TMEM156: variants seen among roughly 807,000 people sequenced by gnomAD.
The protein encoded by TMEM156 is transmembrane protein 156.
In TMEM156, 28 loss-of-function variants were observed where a neutral mutation model predicts 30.5. The observed-to-expected ratio is 0.92, with a 90% confidence interval of 0.68 to 1.26. The LOEUF (loss-of-function observed/expected upper bound fraction) is 1.26, where lower values mean the gene tolerates loss of function less well. Among genes scored for constraint, TMEM156 ranks in the 50% most tolerant of loss-of-function variants. The pLI is 0.00. For missense variants in TMEM156, 351 were observed against 340.6 expected (o/e 1.03, Z -0.24); for synonymous variants, 137 against 119.9 (o/e 1.14, Z -0.93).
At chr4:38,971,263 C>G (rs1003170140) in intron 5 of TMEM156, 126 bp from the exon 6 acceptor site, 37 of 778,714 alleles carry the variant, frequency 4.8e-5, no homozygotes, top group African/African-American at 4.2e-4. Flanking sequence ...TTGGGACTTT[C>G]TACCCTCACT....
chr4:39,017,171 C>CTTTTTT (rs1159565890), intron 1 of TMEM156, among the ~76,000 whole-genome samples: 2,400 of 91,232 alleles, frequency 0.026, 68 homozygotes, highest in African/African-American at 0.035. Flanking sequence ...TGTATTTCTT[C>CTTTTTT]TTTTTTTTTT....
intron 1 of TMEM156, among the ~76,000 whole-genome samples, chr4:39,005,488 C>T (rs1003430978): frequency 6.6e-6 from 1 of 152,176 alleles, no homozygotes; most frequent in African/African-American, 2.4e-5. Context: ...GAGGCCTCCC[C>T]AGCCATGCAG....
intron 1 of TMEM156, chr4:39,028,417 T>A (rs1004918460): frequency 6.6e-6 from 1 of 152,238 alleles, no homozygotes; most frequent in Non-Finnish European, 1.5e-5. Context: ...CAAATGGAAA[T>A]ACAAGGAACG....
intron 5 of TMEM156, among the ~76,000 whole-genome samples, chr4:38,978,197 C>T (rs897559446): frequency 3.3e-5 from 5 of 152,006 alleles, no homozygotes; most frequent in Non-Finnish European, 7.4e-5. Flanking sequence ...TTTTTATTCT[C>T]TTATCTCCAA....
rs71304784 is a variant in TMEM156, at chr4:38,990,830, G to GTTTTTT, written c.620-1866_620-1861dup. On this transcript the variant is annotated intron_variant, in intron 3 of 6. Transcript: ENST00000381938. Reference sequence around the variant, plus strand: ...CTTTGTTTTTTTGGTTTGTTTTCTGGTTTTTTTTTTTTTTTTTTTTTTTGA... The same window carrying GTTTTTT: ...CTTTGTTTTTTTGGTTTGTTTTCTGGTTTTTTTTTTTTTTTTTTTTTTTTTTTTTGA... Among the ~76,000 whole-genome samples, 376 of 81,166 alleles carry GTTTTTT rather than the reference G, an allele frequency of 4.6e-3. 15 individuals are homozygous for GTTTTTT. The highest frequency in any genetic ancestry group is 8.2e-3 in the African/African-American group (178 of 21,626). The allele number at this position is 81,166 out of a possible 152,430, so 53.2% of individuals were successfully genotyped here.
chr4:38,979,445 G>A (rs890132321), intron 5 of TMEM156, among the ~76,000 whole-genome samples: 2 of 152,214 alleles, frequency 1.3e-5, no homozygotes, highest in African/African-American at 4.8e-5. Context: ...AATGAGATGA[G>A]AACTGTGAAT....
At chr4:39,012,516 G>A (rs1714189132) in intron 1 of TMEM156, among the ~76,000 whole-genome samples, 1 of 152,176 alleles carries the variant, frequency 6.6e-6, no homozygotes, top group African/African-American at 2.4e-5. Flanking sequence ...TTAGAAATAG[G>A]TGGAGAAGGT....
At chr4:38,999,110 A>T (rs946406389) in intron 1 of TMEM156, among the ~76,000 whole-genome samples, 11 of 106,110 alleles carry the variant, frequency 1.0e-4, no homozygotes, top group Non-Finnish European at 1.9e-4. Context: ...TTATTTATTT[A>T]TTTTTTTTTT....
At chr4:39,014,705 C>T (rs370550422) in intron 1 of TMEM156, among the ~76,000 whole-genome samples, 62 of 145,784 alleles carry the variant, frequency 4.3e-4, no homozygotes, top group African/African-American at 1.4e-3. Flanking sequence ...TTGCAGTGAG[C>T]GGAGATTGTA....
chr4:39,011,022 A>G (rs2110020045), intron 1 of TMEM156, among the ~76,000 whole-genome samples: 1 of 152,306 alleles, frequency 6.6e-6, no homozygotes, highest in South Asian at 2.1e-4. Context: ...GATCTTACTA[A>G]GGGCTAATAT....
intron 3 of TMEM156, among the ~76,000 whole-genome samples, chr4:38,992,688 A>ATT (rs1401727147): frequency 4.3e-5 from 2 of 46,630 alleles, no homozygotes; most frequent in African/African-American, 7.3e-5. Context: ...TATATTATAT[A>ATT]ATATATTATA....
At chr4:38,973,771 C>A (rs1306691891) in intron 5 of TMEM156, among the ~76,000 whole-genome samples, 1 of 152,108 alleles carries the variant, frequency 6.6e-6, no homozygotes, top group Non-Finnish European at 1.5e-5. Context: ...AAATTTCTGG[C>A]TCGGCAGGGC....
At chr4:38,995,811 G>A (rs1712885713) in intron 2 of TMEM156, among the ~76,000 whole-genome samples, 1 of 152,204 alleles carries the variant, frequency 6.6e-6, no homozygotes, top group African/African-American at 2.4e-5. Context: ...AAGTGACACT[G>A]CATGACTAAG....
chr4:38,981,298 T>C (rs1711527432), intron 5 of TMEM156, among the ~76,000 whole-genome samples: 1 of 152,208 alleles, frequency 6.6e-6, no homozygotes, highest in African/African-American at 2.4e-5. Flanking sequence ...AATTATTGGG[T>C]CATCCACTTC....
intron 5 of TMEM156, among the ~76,000 whole-genome samples, chr4:38,985,269 A>C (rs1711896388): frequency 6.6e-6 from 1 of 152,234 alleles, no homozygotes. Context: ...CAAAATTTCC[A>C]CCAACTTACC....
At chr4:38,991,054 C>G (rs1471980732) in intron 3 of TMEM156, among the ~76,000 whole-genome samples, 1 of 151,124 alleles carries the variant, frequency 6.6e-6, no homozygotes, top group Non-Finnish European at 1.5e-5. Context: ...AGGCTGGTCT[C>G]GAACTCTTGA....
At chr4:38,988,466 A>G (rs1376025610) in intron 4 of TMEM156, among the ~76,000 whole-genome samples, 1 of 152,176 alleles carries the variant, frequency 6.6e-6, no homozygotes, top group African/African-American at 2.4e-5. Flanking sequence ...TCCTGACCTC[A>G]GGTGATCCGC....
At chr4:38,999,645 T>G (rs1713199294) in intron 1 of TMEM156, among the ~76,000 whole-genome samples, 1 of 152,162 alleles carries the variant, frequency 6.6e-6, no homozygotes, top group African/African-American at 2.4e-5. Context: ...AGGCCAGAAG[T>G]CCAACATCGT....
chr4:38,992,702 T>TATATATATTATATATATA (rs1560366776), intron 3 of TMEM156, among the ~76,000 whole-genome samples: 2 of 48,768 alleles, frequency 4.1e-5, no homozygotes, highest in African/African-American at 1.7e-4. Flanking sequence ...TATTATATAA[T>TATATATATTATATATATA]ATATATATAT....
Sources: gnomAD v4.1 joint callset for allele counts (sites outside exome capture counted in the v4.1 genomes callset) on GRCh38, gnomAD v4.1.1 for gene constraint, MANE v1.5 for transcripts, NCBI Gene and HGNC (gene_info 2026-07-23, HGNC 2026-07-21) for gene names.